ILK: variants seen among roughly 807,000 people sequenced by gnomAD.
ILK encodes the protein scaffold protein ILK.
A neutral mutation model predicts 57.8 loss-of-function variants in ILK; 37 were observed. That is an observed-to-expected ratio of 0.64 (90% confidence interval 0.49 to 0.84). The LOEUF (loss-of-function observed/expected upper bound fraction) is 0.84. Among genes scored for constraint, ILK ranks in the 40% least tolerant of loss-of-function variants. The pLI is 0.00. For missense variants in ILK, 528 were observed against 595.7 expected, an observed-to-expected ratio of 0.89 and a Z score of 1.18; for synonymous variants, 231 against 202.2, an observed-to-expected ratio of 1.14 and a Z score of -1.21.
chr11:6,603,887 G>A (rs1854546811), intron 1 of ILK, 65 bp downstream of exon 1: 1 of 397,190 alleles, frequency 2.5e-6, no homozygotes, highest in South Asian at 3.1e-5. Flanking sequence ...AGTAAGGAAC[G>A]GAGCCAACCC....
In ILK at chr11:6,609,655, G is replaced by T; in HGVS notation, c.856+16G>T. 6.2e-7 allele frequency: 1 copy of T among 1,614,190 alleles called. No homozygotes were observed. On this transcript the variant is annotated intron_variant, in intron 9 of 12. Transcript: ENST00000299421. ...GAAGGCACCAGTGAGTAGGGATGTT[G>T]AATTTCCTTGGGGAGGAAATGGCAG...
chr11:6,607,090 ACACAGGAAGTGAC>A (rs1233858311), intron 2 of ILK: 1 of 152,414 alleles, frequency 6.6e-6, no homozygotes, highest in African/African-American at 2.4e-5. Flanking sequence ...CTAGAGTCGC[ACACAGGAAGTGAC>A]CACAACACTA....
At chr11:6,604,727 A>AAGACTGT (rs1854660931) in intron 2 of ILK, 2 of 472,444 alleles carry the variant, frequency 4.2e-6, no homozygotes, top group Non-Finnish European at 8.1e-6. Flanking sequence ...AACAGGACAT[A>AAGACTGT]AGACTGTAGA....
In ILK at chr11:6,610,779, G is replaced by T. The variant is rs1479274971; in HGVS notation, c.*168G>T. 7.5e-7 allele frequency: 1 copy of T among 1,326,964 alleles called. No homozygotes were observed. The highest frequency in any genetic ancestry group is 1.1e-6 in the Non-Finnish European group (1 of 935,262). The allele number at this position is 1,326,964 out of a possible 1,614,324, so 82.2% of individuals were successfully genotyped here. ...ATCCCTACCACTGTGGCCCCAAGAG[G>T]GGCGGGCTCAGAGCTTTGTCACTTG... On this transcript the variant is annotated 3_prime_UTR_variant, in exon 13 of 13. Transcript: ENST00000299421.
At chr11:6,607,539 T>TA (rs1855049010) in intron 2 of ILK, 1 of 170,958 alleles carries the variant, frequency 5.8e-6, no homozygotes, top group Admixed American at 5.6e-5. Flanking sequence ...TTCCCTCTTC[T>TA]ATAAGTTGTG....
chr11:6,604,540 C>A, intron 2 of ILK, 180 bp downstream of exon 2: 2 of 679,590 alleles, frequency 2.9e-6, no homozygotes, highest in Non-Finnish European at 2.7e-6. Flanking sequence ...ATCTTGACTG[C>A]AGAATAAGAG....
rs1360459199 is a variant in ILK, at chr11:6,604,266, G to T, written c.-6G>T. 6.2e-7 allele frequency: 1 copy of T among 1,610,428 alleles called. No individual in the cohort carries two copies. Among genetic ancestry groups the T allele is most frequent in the Non-Finnish European group, 8.5e-7 (1 of 1,179,164 alleles). ...AATCCAGGGGACTCGGCGCCGGGAC[G>T]CTGCTATGGACGACATTTTCACTCA... is the stretch of plus-strand genomic sequence containing the variant. On this transcript the variant is annotated 5_prime_UTR_variant, in exon 2 of 13. Transcript: ENST00000299421.
Position 6,608,722 on chromosome 11 carries a change from G to A in ILK, c.380G>A (p.Ser127Asn). ...CTGGTGGCAAATGGGGCCCTTGTCAGCATCTGTAACAAGTATGGAGAGATG... is the reference window on the plus strand; with the variant it reads ...CTGGTGGCAAATGGGGCCCTTGTCAACATCTGTAACAAGTATGGAGAGATG... ...EDLVANGALV[S>N]ICNKYGEMPV... The change falls in exon 5 of 13, where the codon AGC becomes AAC. Residue 127 changes from serine (S) to asparagine (N), a missense_variant. By Grantham distance (46) the Ser-to-Asn change is conservative. Transcript: ENST00000299421. The surrounding 1 kb of genome is among the most constrained non-coding windows in gnomAD (Gnocchi z 4.9). 1 of 1,614,074 alleles carries A rather than the reference G, an allele frequency of 6.2e-7. No homozygotes were observed. The highest frequency in any genetic ancestry group is 8.5e-7 in the Non-Finnish European group (1 of 1,179,930).
At chr11:6,609,216 C>T (rs1855252517) in intron 7 of ILK, 60 bp downstream of exon 7, 2 of 1,599,660 alleles carry the variant, frequency 1.3e-6, no homozygotes, top group Non-Finnish European at 1.7e-6. Flanking sequence ...TTGCTTTGTA[C>T]CTGTTTTAAG....
Position 6,608,437 on chromosome 11 carries a change from G to T in ILK, c.299G>T (p.Gly100Val), listed in dbSNP as rs1564845744. Residue 100 changes from glycine (G) to valine (V), a missense_variant, in exon 4 of 13, where the codon GGG becomes GTG. Coordinates refer to ENST00000299421, the MANE Select transcript of ILK (RefSeq NM_004517.4). The surrounding 1 kb of genome is among the most constrained non-coding windows in gnomAD (Gnocchi z 4.9). ...GACATCAATGCAGTGAATGAACACGGGAATGTGCCCCTGCACTATGCCTGT... is the reference window on the plus strand; with the variant it reads ...GACATCAATGCAGTGAATGAACACGTGAATGTGCCCCTGCACTATGCCTGT... ...KADINAVNEH[G>V]NVPLHYACFW... 6.2e-7 allele frequency: 1 copy of T among 1,614,210 alleles called. No homozygotes were observed. Among genetic ancestry groups the T allele is most frequent in the Non-Finnish European group, 8.5e-7 (1 of 1,180,016 alleles).
chr11:6,605,347 C>A (rs1432550140), intron 2 of ILK, among the ~76,000 whole-genome samples: 1 of 151,558 alleles, frequency 6.6e-6, no homozygotes, highest in Non-Finnish European at 1.5e-5. Flanking sequence ...GAAGCCTGCA[C>A]GACAGAAAAG....
chr11:6,607,955 C>T, intron 2 of ILK, 91 bp from the exon 3 acceptor site: 1 of 1,352,306 alleles, frequency 7.4e-7, no homozygotes, highest in South Asian at 1.2e-5. Context: ...GGTAAGCCTT[C>T]CCAGAGAGTA....
chr11:6,609,791 A>G lies in ILK; in HGVS notation c.924A>G (p.Leu308=), dbSNP rs758354683. ...ALDMARGMAF[L]HTLEPLIPRH... ...ACATGGCAAGGGGCATGGCCTTCCTACACACACTAGAGCCCCTCATCCCAC... is the reference window on the plus strand; with the variant it reads ...ACATGGCAAGGGGCATGGCCTTCCTGCACACACTAGAGCCCCTCATCCCAC... Residue 308 remains leucine (L), a synonymous_variant, in exon 10 of 13, where the codon CTA becomes CTG. Coordinates refer to ENST00000299421, the MANE Select transcript of ILK (RefSeq NM_004517.4). The G allele has an allele frequency of 1.4e-5, 23 of 1,613,998 alleles. 2 individuals are homozygous for G. In the South Asian group the frequency reaches 2.4e-4, roughly 17 times the overall value.
At position 6,609,331 on chromosome 11, in the gene ILK, T is replaced by G; in HGVS notation, c.651T>G (p.Ile217Met). ...AGGGCCGCTGGCAGGGCAATGACAT[T>G]GTCGTGAAGGTGCTGAAGGTTCGAG... ...LWKGRWQGND[I>M]VVKVLKVRDW... Residue 217 changes from isoleucine to methionine, a missense_variant, in exon 8 of 13, where the codon ATT (isoleucine) becomes ATG (methionine). Coordinates refer to ENST00000299421, the MANE Select transcript of ILK (RefSeq NM_004517.4). 6.2e-7 allele frequency: 1 copy of G among 1,614,080 alleles called. No homozygotes were observed. Among genetic ancestry groups the G allele is most frequent in the Non-Finnish European group, 8.5e-7 (1 of 1,180,022 alleles).
At position 6,604,302 on chromosome 11, in the gene ILK, G is replaced by A. The variant is rs1484835654; in HGVS notation, c.31G>A (p.Gly11Ser). 1.2e-6 allele frequency: 2 copies of A among 1,612,924 alleles called. No homozygotes were observed. Among genetic ancestry groups the A allele is most frequent in the Non-Finnish European group, 1.7e-6 (2 of 1,179,728 alleles). The change falls in exon 2 of 13, where the codon GGC becomes AGC. Residue 11 changes from glycine (G) to serine (S), a missense_variant. Coordinates refer to ENST00000299421, the MANE Select transcript of ILK (RefSeq NM_004517.4). The part of the protein sequence containing the change: MDDIFTQCRE[G>S]NAVAVRLWLD... ...CGACATTTTCACTCAGTGCCGGGAG[G>A]GCAACGCAGTCGCCGTTCGCCTGTG...
Position 6,609,604 on chromosome 11 carries a change from A to G in ILK, c.821A>G (p.Tyr274Cys). The G allele has an allele frequency of 1.2e-6, 2 of 1,614,112 alleles. No homozygotes were observed. The highest frequency in any genetic ancestry group is 1.7e-6 in the Non-Finnish European group (2 of 1,179,990). ...ACTCTCATCACACACTGGATGCCGT[A>G]TGGATCCCTCTACAATGTACTACAT... is the stretch of plus-strand genomic sequence containing the variant. ...HPTLITHWMPYGSLYNVLHEG... is the reference protein window; with the variant it reads ...HPTLITHWMPCGSLYNVLHEG... The change falls in exon 9 of 13, where the codon TAT becomes TGT. Residue 274 changes from tyrosine (Y) to cysteine (C), a missense_variant. Coordinates refer to ENST00000299421, the MANE Select transcript of ILK (RefSeq NM_004517.4).
chr11:6,604,279 A>G lies in ILK; in HGVS notation c.8A>G (p.Asp3Gly). The change falls in exon 2 of 13, where the codon GAC becomes GGC. Residue 3 changes from aspartate (D) to glycine (G), a missense_variant. Physicochemically the swap from Asp to Gly is moderately conservative, Grantham distance 94. Coordinates refer to ENST00000299421, the MANE Select transcript of ILK (RefSeq NM_004517.4). ...CGGCGCCGGGACGCTGCTATGGACG[A>G]CATTTTCACTCAGTGCCGGGAGGGC... MD[D>G]IFTQCREGNA... 1 of 1,612,314 alleles carries G rather than the reference A, an allele frequency of 6.2e-7. No individual in the cohort carries two copies. The highest frequency in any genetic ancestry group is 8.5e-7 in the Non-Finnish European group (1 of 1,179,632).
rs192799576 is a variant in ILK, at chr11:6,609,060, C to T, written c.533-11C>T. The T allele has an allele frequency of 6.2e-6, 10 of 1,613,688 alleles. No individual in the cohort carries two copies. In the Admixed American group the frequency reaches 1.0e-4, roughly 16 times the overall value. ...GGTGAAGCTGGGTACCTGACCTGCC[C>T]ACACTCTTAGGAAATGGAACCCTGA... is the stretch of plus-strand genomic sequence containing the variant. On this transcript the variant is annotated splice_polypyrimidine_tract_variant and intron_variant, in intron 6 of 12. Transcript: ENST00000299421.
At chr11:6,604,912 T>G in intron 2 of ILK, 2 of 456,292 alleles carry the variant, frequency 4.4e-6, no homozygotes, top group Non-Finnish European at 8.8e-6. Flanking sequence ...TAGTTCATCG[T>G]AGAAGTAATG....
Sources: gnomAD v4.1 joint callset for allele counts (sites outside exome capture counted in the v4.1 genomes callset) on GRCh38, gnomAD v4.1.1 for gene constraint, Gnocchi (gnomAD v3.1) non-coding constraint, MANE v1.5 for transcripts, NCBI Gene and HGNC (gene_info 2026-07-23, HGNC 2026-07-21) for gene names.